Variants in MECOM observed in about 807,000 individuals in gnomAD.
The protein encoded by MECOM is histone-lysine N-methyltransferase MECOM.
MECOM carries 13 observed loss-of-function variants against 116.3 expected under a neutral mutation model. The observed-to-expected ratio is 0.11, with a 90% CI of 0.07 to 0.18. The LOEUF is 0.18. Ranked by LOEUF, MECOM falls within the 10% of genes least tolerant of loss-of-function variation. MECOM has a pLI of 1.00. For synonymous variants in MECOM, 528 were observed against 535.2 expected, an observed-to-expected ratio of 0.99 and a Z score of 0.19; for missense variants, 1,299 against 1,509.0, an observed-to-expected ratio of 0.86 and a Z score of 2.31.
chr3:169,121,201 C>T lies in MECOM; in HGVS notation c.987G>A (p.Thr329=), dbSNP rs149534507. The change falls in exon 7 of 17, where the codon ACG becomes ACA. Residue 329 remains threonine (T), a synonymous_variant. Coordinates refer to ENST00000651503, the MANE Select transcript of MECOM (RefSeq NM_004991.4). ...YECENCAKVF[T]DPSNLQRHIR... ...TGTGCCGCTGAAGGTTGCTAGGGTC[C>T]GTGAAAACCTGCTAGGAAATGAGTA... is the stretch of plus-strand genomic sequence containing the variant. 3.7e-6 allele frequency: 6 copies of T among 1,609,370 alleles called. No homozygotes were observed. The African/African-American group carries it at 5.3e-5, about 14-fold the overall frequency.
chr3:169,596,865 T>C (rs1767207206), intron 1 of MECOM, among the ~76,000 whole-genome samples: 1 of 152,264 alleles, frequency 6.6e-6, no homozygotes, highest in South Asian at 2.1e-4. Flanking sequence ...CTTTTGTGAC[T>C]ATATTTTATG....
chr3:169,115,680 T>C lies in MECOM; in HGVS notation c.2192A>G (p.Lys731Arg), dbSNP rs1195210909. ...KMEPQSPGEV[K>R]KLQKGSSESP... Reference sequence around the variant, plus strand: ...CTCAGAGCTGCCCTTCTGCAGTTTCTTTACTTCACCTGGTGATTGGGGTTC... The same window carrying C: ...CTCAGAGCTGCCCTTCTGCAGTTTCCTTACTTCACCTGGTGATTGGGGTTC... Residue 731 changes from lysine to arginine, a missense_variant, in exon 8 of 17, where the codon AAG (lysine) becomes AGG (arginine). Lys to Arg is a conservative substitution (Grantham distance 26, BLOSUM62 2). Around this residue, in one of 6 missense-constraint regions of MECOM, gnomAD observed 340 missense variants for 312.6 expected, o/e 1.09. Coordinates refer to ENST00000651503, the MANE Select transcript of MECOM (RefSeq NM_004991.4). 2 of 1,614,048 alleles carry C rather than the reference T, an allele frequency of 1.2e-6. No homozygotes were observed. Among genetic ancestry groups the C allele is most frequent in the African/African-American group, 2.7e-5 (2 of 74,912 alleles).
chr3:169,663,526 CTCT>C lies in MECOM; in HGVS notation c.-157_-155del, dbSNP rs1560554324. 19 of 626,142 alleles carry C rather than the reference CTCT, an allele frequency of 3.0e-5. No individual in the cohort carries two copies. Among genetic ancestry groups the C allele is most frequent in the African/African-American group, 6.2e-5 (3 of 48,404 alleles). 38.8% of individuals were successfully genotyped at this position (626,142 alleles called of 1,614,324 possible). Reference sequence around the variant, plus strand: ...TCTCTCTCTCTCTCTCTCTCTCTCTCTCTCCCTCCCTCCTGTTTCTCTCCTGTT... The same window carrying C: ...TCTCTCTCTCTCTCTCTCTCTCTCTCCCCTCCCTCCTGTTTCTCTCCTGTT... On this transcript the variant is annotated 5_prime_UTR_variant, in exon 1 of 17. Transcript: ENST00000651503.
chr3:169,308,890 A>G (rs958592862), intron 2 of MECOM, among the ~76,000 whole-genome samples: 24 of 152,208 alleles, frequency 1.6e-4, no homozygotes, highest in African/African-American at 5.5e-4. Context: ...GGACACTTCC[A>G]GACATTTCCC....
chr3:169,245,610 G>C (rs1755482520), intron 2 of MECOM, among the ~76,000 whole-genome samples: 1 of 152,098 alleles, frequency 6.6e-6, no homozygotes. Flanking sequence ...CAGACTTTTA[G>C]ACCCTAGTGG....
At chr3:169,397,847 C>T (rs1409248352) in intron 1 of MECOM, among the ~76,000 whole-genome samples, 2 of 152,154 alleles carry the variant, frequency 1.3e-5, no homozygotes, top group Non-Finnish European at 2.9e-5. Context: ...TGAGCTTTTA[C>T]CAGGTCATGC....
At chr3:169,657,538 T>C (rs956733490) in intron 1 of MECOM, among the ~76,000 whole-genome samples, 7 of 152,224 alleles carry the variant, frequency 4.6e-5, no homozygotes, top group African/African-American at 1.7e-4. Context: ...ATTCAAATAT[T>C]CAATGTTGAC....
chr3:169,253,528 T>C (rs1756496266), intron 2 of MECOM, among the ~76,000 whole-genome samples: 1 of 152,236 alleles, frequency 6.6e-6, no homozygotes, highest in Non-Finnish European at 1.5e-5. Context: ...TTATGTATTA[T>C]ATATTTATTC....
At chr3:169,270,515 A>G (rs1758818161) in intron 2 of MECOM, among the ~76,000 whole-genome samples, 3 of 152,124 alleles carry the variant, frequency 2.0e-5, no homozygotes, top group African/African-American at 7.2e-5. Flanking sequence ...ATACACTTAT[A>G]TCCTAAAGCT....
At chr3:169,662,673 C>T (rs1776458499) in intron 1 of MECOM, among the ~76,000 whole-genome samples, 1 of 151,376 alleles carries the variant, frequency 6.6e-6, no homozygotes, top group African/African-American at 2.4e-5. Flanking sequence ...CATGGCCGAG[C>T]GCACAGCGCC....
chr3:169,592,145 G>A (rs1377874734), intron 1 of MECOM, among the ~76,000 whole-genome samples: 2 of 152,110 alleles, frequency 1.3e-5, no homozygotes, highest in African/African-American at 4.8e-5. Flanking sequence ...GAGTCACACT[G>A]CCAGAAACAA....
At chr3:169,244,743 T>A (rs1755366203) in intron 2 of MECOM, among the ~76,000 whole-genome samples, 1 of 152,186 alleles carries the variant, frequency 6.6e-6, no homozygotes, top group Non-Finnish European at 1.5e-5. Context: ...GTTTTGACTT[T>A]AACAAGTTTG....
At chr3:169,270,760 A>G (rs73172046) in intron 2 of MECOM, among the ~76,000 whole-genome samples, 13,492 of 152,198 alleles carry the variant, frequency 0.089, 829 homozygotes, top group Non-Finnish European at 0.13. Context: ...AAAAATAAGT[A>G]AATTATTGCC....
At chr3:169,205,462 T>G (rs1186607545) in intron 2 of MECOM, among the ~76,000 whole-genome samples, 2 of 152,238 alleles carry the variant, frequency 1.3e-5, no homozygotes, top group African/African-American at 2.4e-5. Context: ...CACACCGTAC[T>G]GTACATTCCA....
At chr3:169,464,251 T>C (rs1312152909) in intron 1 of MECOM, 1 of 152,212 alleles carries the variant, frequency 6.6e-6, no homozygotes, top group East Asian at 1.9e-4. Flanking sequence ...GGAACATTTT[T>C]GTTTTGAAAG....
At chr3:169,352,442 C>T (rs779127869) in intron 2 of MECOM, among the ~76,000 whole-genome samples, 3 of 151,840 alleles carry the variant, frequency 2.0e-5, no homozygotes, top group Non-Finnish European at 4.4e-5. Flanking sequence ...ATCTTCTTGA[C>T]TCTGATGTGG....
At chr3:169,589,885 A>T (rs1437531157) in intron 1 of MECOM, among the ~76,000 whole-genome samples, 4 of 152,240 alleles carry the variant, frequency 2.6e-5, no homozygotes. Flanking sequence ...TCTAAGGCTG[A>T]TTCCCTTGGA....
At chr3:169,252,788 A>G (rs921012710) in intron 2 of MECOM, among the ~76,000 whole-genome samples, 3 of 152,182 alleles carry the variant, frequency 2.0e-5, no homozygotes, top group Non-Finnish European at 1.5e-5. Flanking sequence ...AGCCCCATCA[A>G]AAGGCTTTTG....
At chr3:169,223,789 C>G (rs927335796) in intron 2 of MECOM, among the ~76,000 whole-genome samples, 1 of 152,140 alleles carries the variant, frequency 6.6e-6, no homozygotes, top group Non-Finnish European at 1.5e-5. Flanking sequence ...GGTATTCATG[C>G]TTTACTCTGA....
Sources: allele counts gnomAD v4.1 joint callset (sites outside exome capture counted in the v4.1 genomes callset), GRCh38; gene constraint gnomAD v4.1.1; regional missense constraint gnomAD v4.1.1; transcripts MANE v1.5; gene names NCBI Gene and HGNC (gene_info 2026-07-23, HGNC 2026-07-21).